The following TFEC variants were observed in gnomAD, a reference collection of about 807,000 sequenced individuals.
TFEC encodes class E basic helix-loop-helix protein 34.
In TFEC, 31 loss-of-function variants were observed where a neutral mutation model predicts 41.6. That is an observed-to-expected ratio of 0.74 (90% CI 0.56 to 1.01). The LOEUF is 1.01. Among genes scored for constraint, TFEC ranks in the 50% least tolerant of loss-of-function variants. The pLI, the probability that TFEC is intolerant of heterozygous loss-of-function variation, is 0.00. For missense variants in TFEC, 402 were observed against 404.1 expected (o/e 0.99, Z 0.04); for synonymous variants, 143 against 140.6 (o/e 1.02, Z -0.12).
At chr7:116,041,748 A>G (rs1423942980) in intron 3 of TFEC, among the ~76,000 whole-genome samples, 2 of 152,194 alleles carry the variant, frequency 1.3e-5, no homozygotes, top group African/African-American at 2.4e-5. Flanking sequence ...CACAGGTTTT[A>G]TAATCCTTGT....
At chr7:115,999,177 CA>C (rs1438722215) in intron 1 of TFEC, among the ~76,000 whole-genome samples, 1 of 151,720 alleles carries the variant, frequency 6.6e-6, no homozygotes, top group African/African-American at 2.4e-5. Context: ...TACAAATCAA[CA>C]ACAAAAGGAA....
At chr7:115,959,561 AAAGT>A (rs1210537971) in intron 3 of TFEC, among the ~76,000 whole-genome samples, 23 of 151,820 alleles carry the variant, frequency 1.5e-4, no homozygotes, top group Admixed American at 3.3e-4. Flanking sequence ...GACTATTTCA[AAAGT>A]AAGGCAACAA....
In TFEC at chr7:116,028,728, C is replaced by T. The variant is rs192509048; in HGVS notation, c.-73+1905G>A. Among the ~76,000 whole-genome samples the T allele has an allele frequency of 3.1e-3, 477 of 152,184 alleles. 7 individuals are homozygous for T. The highest frequency in any genetic ancestry group is 0.022 in the South Asian group (104 of 4,820). ...ACATCTGATAGCTTTATTTGTAAAA[C>T]GATTTATAAAAGATTAAGTGATTGC... is the stretch of plus-strand genomic sequence containing the variant. On this transcript the variant is annotated intron_variant, in intron 1 of 7. Transcript: ENST00000265440.
chr7:115,950,015 C>CT lies in TFEC; in HGVS notation c.515+858dup, dbSNP rs10684805. Among the ~76,000 whole-genome samples the CT allele has an allele frequency of 6.0e-3, 850 of 141,850 alleles. 27 individuals are homozygous for CT. The highest frequency in any genetic ancestry group is 0.014 in the African/African-American group (535 of 38,320). The allele number at this position is 141,850 out of a possible 152,430, so 93.1% of individuals were successfully genotyped here. On this transcript the variant is annotated intron_variant, in intron 6 of 7. Coordinates refer to ENST00000265440, the MANE Select transcript of TFEC (RefSeq NM_012252.4). ...TAATGCTACAGATTCCATGTTTTCA[C>CT]TTTTTTTTTTTTTTGAGATGGAGTC...
intron 1 of TFEC, among the ~76,000 whole-genome samples, chr7:116,141,725 C>T (rs1275525749): frequency 6.6e-6 from 1 of 152,144 alleles, no homozygotes; most frequent in Non-Finnish European, 1.5e-5. Context: ...ATATTGGGAG[C>T]AGGTAACAGA....
At chr7:116,064,970 A>C (rs188710168) in intron 3 of TFEC, among the ~76,000 whole-genome samples, 6 of 152,182 alleles carry the variant, frequency 3.9e-5, no homozygotes, top group African/African-American at 1.4e-4. Context: ...AAAATAATCA[A>C]GATATTCTAT....
chr7:116,041,912 G>A (rs186227602), intron 3 of TFEC, among the ~76,000 whole-genome samples: 11 of 152,200 alleles, frequency 7.2e-5, no homozygotes, highest in South Asian at 2.1e-4. Context: ...AACAAAGGGC[G>A]AGAGATGCAT....
intron 3 of TFEC, among the ~76,000 whole-genome samples, chr7:116,052,507 C>T (rs898574173): frequency 5.3e-5 from 8 of 152,068 alleles, no homozygotes; most frequent in Admixed American, 5.2e-4. Flanking sequence ...CGGCTCACTG[C>T]AACCTCCAGC....
intron 3 of TFEC, among the ~76,000 whole-genome samples, chr7:115,958,473 A>G (rs534431950): frequency 6.6e-6 from 1 of 151,990 alleles, no homozygotes; most frequent in Non-Finnish European, 1.5e-5. Context: ...GGGGGACAGA[A>G]CTAGGAAAAG....
At position 115,942,061 on chromosome 7, in the gene TFEC, C is replaced by T. The variant is rs779504410; in HGVS notation, c.516-21G>A. ...TATCACTGTAGAATGGAGAGATAAC[C>T]TTTTCACAATTGTGCATGTCAGCAG... On this transcript the variant is annotated intron_variant, in intron 6 of 7. Coordinates refer to ENST00000265440, the MANE Select transcript of TFEC (RefSeq NM_012252.4). 5.0e-6 allele frequency: 8 copies of T among 1,591,606 alleles called. No homozygotes were observed. The East Asian group carries it at 1.6e-4, about 31-fold the overall frequency.
intron 1 of TFEC, among the ~76,000 whole-genome samples, chr7:115,984,755 C>G (rs1394048826): frequency 6.6e-6 from 1 of 150,916 alleles, no homozygotes; most frequent in Non-Finnish European, 1.5e-5. Flanking sequence ...AATGAGTAGC[C>G]CTAAAAATTA....
At chr7:116,000,117 T>C (rs1394782238) in intron 1 of TFEC, among the ~76,000 whole-genome samples, 3 of 152,066 alleles carry the variant, frequency 2.0e-5, no homozygotes, top group African/African-American at 7.2e-5. Context: ...AAATTCATCA[T>C]GACCAAATGG....
At chr7:116,104,291 C>A (rs887792148) in intron 3 of TFEC, among the ~76,000 whole-genome samples, 14 of 152,072 alleles carry the variant, frequency 9.2e-5, no homozygotes, top group Admixed American at 7.2e-4. Flanking sequence ...GAGCCATTTT[C>A]CTCCATTAGT....
At chr7:116,107,100 A>G (rs553717685) in intron 3 of TFEC, among the ~76,000 whole-genome samples, 5 of 152,348 alleles carry the variant, frequency 3.3e-5, no homozygotes, top group South Asian at 2.1e-4. Flanking sequence ...GCGATTTAAG[A>G]GAACTAATCA....
chr7:116,126,917 AC>A (rs1272102716), intron 1 of TFEC, among the ~76,000 whole-genome samples: 1 of 152,134 alleles, frequency 6.6e-6, no homozygotes, highest in African/African-American at 2.4e-5. Context: ...TGAAAAAAGA[AC>A]CCTTCGACAA....
intron 1 of TFEC, among the ~76,000 whole-genome samples, chr7:116,014,640 A>T (rs1795123464): frequency 6.6e-6 from 1 of 152,122 alleles, no homozygotes; most frequent in Admixed American, 6.6e-5. Context: ...AGATGTCCAC[A>T]TCTTACCCTA....
intron 1 of TFEC, chr7:116,112,108 A>G (rs376152308): frequency 2.5e-6 from 2 of 808,574 alleles, no homozygotes; most frequent in East Asian, 1.3e-4. Flanking sequence ...TTTGATTCAT[A>G]CGTTGTACAT....
chr7:115,948,343 T>A (rs1479130057), intron 6 of TFEC, among the ~76,000 whole-genome samples: 1 of 151,980 alleles, frequency 6.6e-6, no homozygotes, highest in African/African-American at 2.4e-5. Flanking sequence ...CCCTAACTCA[T>A]TTTATGAGGC....
chr7:116,012,827 A>G (rs1324077592), intron 1 of TFEC, among the ~76,000 whole-genome samples: 1 of 4,438 alleles, frequency 2.3e-4, no homozygotes, highest in African/African-American at 1.0e-3. Context: ...TTATTTCTGG[A>G]AAAAAAAAAA....
Sources: gnomAD v4.1 joint callset for allele counts (sites outside exome capture counted in the v4.1 genomes callset) on GRCh38, gnomAD v4.1.1 for gene constraint, MANE v1.5 for transcripts, NCBI Gene and HGNC (gene_info 2026-07-23, HGNC 2026-07-21) for gene names.